SLC9A9: variants seen among roughly 807,000 people sequenced by gnomAD.
The protein encoded by SLC9A9 is solute carrier family 9 member A9, also known as sodium/hydrogen exchanger 9.
Under a neutral mutation model 77.8 loss-of-function variants are expected in SLC9A9, and 62 were observed. That is an observed-to-expected ratio of 0.80 (90% confidence interval 0.65 to 0.98). SLC9A9 has a LOEUF of 0.98. SLC9A9 is among the 50% of genes least tolerant of loss of function. SLC9A9 has a pLI of 0.00. For synonymous variants in SLC9A9, 320 were observed against 283.5 expected (o/e 1.13, Z -1.29); for missense variants, 775 against 774.9 (o/e 1.00, Z 0.00).
chr3:143,535,128 T>C (rs115689435), intron 9 of SLC9A9, among the ~76,000 whole-genome samples: 179 of 152,310 alleles, frequency 1.2e-3, no homozygotes, highest in Non-Finnish European at 2.0e-3. Flanking sequence ...TGTTACCACT[T>C]AAATCATAAT....
At chr3:143,688,161 G>A (rs190945591) in intron 5 of SLC9A9, among the ~76,000 whole-genome samples, 1 of 151,236 alleles carries the variant, frequency 6.6e-6, no homozygotes, top group African/African-American at 2.4e-5. Flanking sequence ...ATGTTGTTCA[G>A]GCTGATCTAG....
intron 12 of SLC9A9, among the ~76,000 whole-genome samples, chr3:143,405,730 G>A (rs373370482): frequency 3.9e-5 from 6 of 152,182 alleles, no homozygotes; most frequent in Admixed American, 1.3e-4. Flanking sequence ...GCTCTCTGAC[G>A]GGGAACAGGA....
chr3:143,550,406 T>C (rs2036861077), intron 9 of SLC9A9, among the ~76,000 whole-genome samples: 1 of 152,208 alleles, frequency 6.6e-6, no homozygotes, highest in Non-Finnish European at 1.5e-5. Context: ...CATATAACTT[T>C]GCAGTGATCT....
At chr3:143,356,360 T>C (rs1193180182) in intron 14 of SLC9A9, among the ~76,000 whole-genome samples, 2 of 152,204 alleles carry the variant, frequency 1.3e-5, no homozygotes, top group Non-Finnish European at 2.9e-5. Flanking sequence ...CAGAGGATAG[T>C]ATGTATCATT....
intron 4 of SLC9A9, among the ~76,000 whole-genome samples, chr3:143,792,617 T>C (rs865962595): frequency 1.3e-5 from 2 of 152,132 alleles, no homozygotes. Context: ...CTTCCTGTTT[T>C]GGGGGTCCAA....
chr3:143,349,977 A>G (rs2032404412), intron 14 of SLC9A9, among the ~76,000 whole-genome samples: 1 of 152,214 alleles, frequency 6.6e-6, no homozygotes, highest in Non-Finnish European at 1.5e-5. Context: ...GTTTACCTCG[A>G]AGAACTGGCT....
At chr3:143,384,904 T>C (rs1261547054) in intron 12 of SLC9A9, among the ~76,000 whole-genome samples, 1 of 152,222 alleles carries the variant, frequency 6.6e-6, no homozygotes, top group Non-Finnish European at 1.5e-5. Flanking sequence ...TTAAGGGCCA[T>C]GAAGGAAACA....
chr3:143,321,317 C>CAGCAGATTTATCATAGTGGT (rs2031412228), intron 14 of SLC9A9, among the ~76,000 whole-genome samples: 1 of 152,196 alleles, frequency 6.6e-6, no homozygotes, highest in Non-Finnish European at 1.5e-5. Context: ...TTTTTAATCA[C>CAGCAGATTTATCATAGTGGT]AGCAGATTTA....
At chr3:143,716,264 G>A (rs1239237468) in intron 4 of SLC9A9, among the ~76,000 whole-genome samples, 2 of 151,922 alleles carry the variant, frequency 1.3e-5, no homozygotes, top group African/African-American at 2.4e-5. Context: ...TGTAGAGATG[G>A]GGTCTCCCTA....
At chr3:143,561,999 G>C (rs1007953090) in intron 8 of SLC9A9, among the ~76,000 whole-genome samples, 8 of 152,148 alleles carry the variant, frequency 5.3e-5, no homozygotes, top group African/African-American at 1.9e-4. Flanking sequence ...TCTAAACTTA[G>C]ACAATTCTCA....
Position 143,796,832 on chromosome 3 carries a change from T to C in SLC9A9, c.450A>G (p.Leu150=). The C allele has an allele frequency of 6.2e-7, 1 of 1,605,056 alleles. No individual in the cohort carries two copies. The highest frequency in any genetic ancestry group is 8.5e-7 in the Non-Finnish European group (1 of 1,172,832). Residue 150 remains leucine, a synonymous_variant, in exon 3 of 16, where the codon CTA becomes CTG. Transcript: ENST00000316549. ...PPIIFHAGYS[L]KKRHFFQNLG... is the part of the protein sequence containing the mutation. ...ATGATCACTATATATTTACCTTCTT[T>C]AGACTATATCCTGCATGAAATATAA... is the stretch of plus-strand genomic sequence containing the variant.
chr3:143,483,059 T>C (rs2035598682), intron 11 of SLC9A9, among the ~76,000 whole-genome samples: 1 of 152,190 alleles, frequency 6.6e-6, no homozygotes. Flanking sequence ...GCTCCCCTAA[T>C]CAACTCTTAA....
At chr3:143,390,466 T>C (rs1442390050) in intron 12 of SLC9A9, among the ~76,000 whole-genome samples, 1 of 151,910 alleles carries the variant, frequency 6.6e-6, no homozygotes. Context: ...ATGTAAGGGG[T>C]GAATTGTTCC....
intron 9 of SLC9A9, among the ~76,000 whole-genome samples, chr3:143,521,957 G>A (rs185235771): frequency 6.6e-6 from 1 of 152,206 alleles, no homozygotes; most frequent in Non-Finnish European, 1.5e-5. Context: ...TTGTGAGCTC[G>A]TGTTGGTGGG....
intron 8 of SLC9A9, among the ~76,000 whole-genome samples, chr3:143,569,242 G>C (rs973926733): frequency 6.6e-6 from 1 of 151,260 alleles, no homozygotes; most frequent in African/African-American, 2.4e-5. Context: ...ATGGGGAAGA[G>C]GAGTGAAAGA....
At chr3:143,620,965 T>A (rs964098202) in intron 6 of SLC9A9, among the ~76,000 whole-genome samples, 2 of 152,138 alleles carry the variant, frequency 1.3e-5, no homozygotes, top group Admixed American at 1.3e-4. Context: ...GCCAGGAGAT[T>A]ATATCCCGCG....
chr3:143,818,733 C>T (rs145636011), intron 2 of SLC9A9, among the ~76,000 whole-genome samples: 61 of 152,084 alleles, frequency 4.0e-4, no homozygotes, highest in African/African-American at 1.4e-3. Flanking sequence ...TACTGGAAGT[C>T]GGCAGCAAAT....
intron 14 of SLC9A9, among the ~76,000 whole-genome samples, chr3:143,296,539 T>A (rs2030277686): frequency 6.6e-6 from 1 of 152,256 alleles, no homozygotes; most frequent in South Asian, 2.1e-4. Context: ...GCAAATATCT[T>A]TTGGAAATTC....
intron 2 of SLC9A9, among the ~76,000 whole-genome samples, chr3:143,818,389 C>T (rs921507376): frequency 6.6e-6 from 1 of 152,148 alleles, no homozygotes; most frequent in African/African-American, 2.4e-5. Context: ...TCACTGCAGC[C>T]TCCACCTCCC....
Sources: allele counts gnomAD v4.1 joint callset (sites outside exome capture counted in the v4.1 genomes callset), GRCh38; gene constraint gnomAD v4.1.1; transcripts MANE v1.5; gene names NCBI Gene and HGNC (gene_info 2026-07-23, HGNC 2026-07-21).